Variants in ARHGEF7 observed in about 807,000 individuals in gnomAD.
ARHGEF7 encodes PAK-interacting exchange factor beta.
In ARHGEF7, 33 loss-of-function variants were observed where a neutral mutation model predicts 109.8. That is an observed-to-expected ratio of 0.30 (90% CI 0.23 to 0.40). The LOEUF (loss-of-function observed/expected upper bound fraction) is 0.40. Among genes scored for constraint, ARHGEF7 ranks in the 10% least tolerant of loss-of-function variants. The probability of loss-of-function intolerance (pLI) is 1.00; values close to 1 mark genes in which losing one functional copy is unlikely to be tolerated. For missense variants in ARHGEF7, 938 were observed against 1,098.5 expected (o/e 0.85, Z 2.07); for synonymous variants, 458 against 424.6 (o/e 1.08, Z -0.97).
chr13:111,295,126 A>G (rs2093398375), intron 19 of ARHGEF7: 1 of 983,932 alleles, frequency 1.0e-6, no homozygotes. Context: ...GCATATGGCA[A>G]TGAAGTGTTT....
At chr13:111,201,255 T>C (rs1437411003) in intron 2 of ARHGEF7, among the ~76,000 whole-genome samples, 3 of 152,228 alleles carry the variant, frequency 2.0e-5, no homozygotes, top group African/African-American at 4.8e-5. Flanking sequence ...GTTTAGCACC[T>C]TCTAGCCATT....
chr13:111,284,586 G>A (rs544575991), intron 16 of ARHGEF7, among the ~76,000 whole-genome samples: 1 of 152,358 alleles, frequency 6.6e-6, no homozygotes, highest in Non-Finnish European at 1.5e-5. Context: ...GGGCAAAGAA[G>A]TAGAAAGGGC....
chr13:111,250,226 A>G (rs576271840), intron 8 of ARHGEF7, among the ~76,000 whole-genome samples: 13 of 152,330 alleles, frequency 8.5e-5, no homozygotes, highest in Admixed American at 7.2e-4. Flanking sequence ...CATTTGCTGC[A>G]TTAGTAGCGG....
chr13:111,197,399 C>G (rs939211325), intron 2 of ARHGEF7, among the ~76,000 whole-genome samples: 2 of 152,130 alleles, frequency 1.3e-5, no homozygotes, highest in Admixed American at 6.5e-5. Flanking sequence ...AAACCTGCAC[C>G]TTGCCTGTCC....
intron 2 of ARHGEF7, among the ~76,000 whole-genome samples, chr13:111,176,970 T>C (rs1000301463): frequency 1.1e-4 from 17 of 152,254 alleles, no homozygotes; most frequent in African/African-American, 3.9e-4. Context: ...TTGGCCAGGC[T>C]GTTCTTGAAC....
chr13:111,244,941 C>T (rs952486215), intron 8 of ARHGEF7, among the ~76,000 whole-genome samples: 2 of 152,138 alleles, frequency 1.3e-5, no homozygotes, highest in East Asian at 3.9e-4. Context: ...GTTGTGGAAG[C>T]GTTTTCCCTG....
At chr13:111,124,917 G>A (rs986225954) in intron 1 of ARHGEF7, among the ~76,000 whole-genome samples, 7 of 152,242 alleles carry the variant, frequency 4.6e-5, no homozygotes, top group South Asian at 2.1e-4. Flanking sequence ...GCGCCACCAT[G>A]CCCGGCTAAT....
In ARHGEF7 at chr13:111,205,307, T is replaced by C. The variant is rs761750681; in HGVS notation, c.271T>C (p.Leu91=). Residue 91 remains leucine (L), a synonymous_variant, in exon 3 of 22, where the codon TTG becomes CTG. Transcript: ENST00000646102. ...CTTTCAGACGTTTGATGCAAATGATTTGTATCAGGGGCAGAATTTTAACAA... is the reference window on the plus strand; with the variant it reads ...CTTTCAGACGTTTGATGCAAATGATCTGTATCAGGGGCAGAATTTTAACAA... ...LRLETFDAND[L]YQGQNFNKVL... is the part of the protein sequence containing the mutation. 5 of 1,603,832 alleles carry C rather than the reference T, an allele frequency of 3.1e-6. No individual in the cohort carries two copies. In the Admixed American group the frequency reaches 8.8e-5, roughly 28 times the overall value.
chr13:111,115,557 C>T lies in ARHGEF7; in HGVS notation c.31C>T (p.Leu11Phe). Residue 11 changes from leucine to phenylalanine, a missense_variant, in exon 1 of 22, where the codon CTC becomes TTC. Leu to Phe is a conservative substitution (Grantham distance 22, BLOSUM62 0). Coordinates refer to ENST00000646102, the MANE Select transcript of ARHGEF7 (RefSeq NM_001354046.2). ...TTCCGCCGAGCAAACCGTTACGTGG[C>T]TCATCACTCTGGGGGTGCTGGAGTC... MNSAEQTVTW[L>F]ITLGVLESPK... 2 of 1,420,086 alleles carry T rather than the reference C, an allele frequency of 1.4e-6. No homozygotes were observed. Among genetic ancestry groups the T allele is most frequent in the Non-Finnish European group, 1.9e-6 (2 of 1,069,326 alleles). 88.0% of individuals were successfully genotyped at this position (1,420,086 alleles called of 1,614,324 possible). A position where few individuals can be genotyped will look rare whatever the true frequency, so the allele number is the denominator to read the frequency against.
At chr13:111,297,452 A>G (rs961537767) in intron 19 of ARHGEF7, among the ~76,000 whole-genome samples, 9 of 152,266 alleles carry the variant, frequency 5.9e-5, no homozygotes, top group African/African-American at 1.9e-4. Flanking sequence ...TGTGCCGGGC[A>G]CATACAGTAA....
chr13:111,121,736 G>A (rs1479300432), intron 1 of ARHGEF7, among the ~76,000 whole-genome samples: 1 of 152,202 alleles, frequency 6.6e-6, no homozygotes. Context: ...TGGGAGACCC[G>A]GTCCTCTGCG....
At chr13:111,275,063 T>G (rs527272005) in intron 11 of ARHGEF7, among the ~76,000 whole-genome samples, 2 of 152,276 alleles carry the variant, frequency 1.3e-5, no homozygotes, top group Non-Finnish European at 2.9e-5. Flanking sequence ...TTGTCTTTAA[T>G]GATTTATTGC....
chr13:111,303,338 A>G lies in ARHGEF7; in HGVS notation c.*225A>G, dbSNP rs554595674. 129 of 385,364 alleles carry G rather than the reference A, an allele frequency of 3.3e-4. No homozygotes were observed. Among genetic ancestry groups the G allele is most frequent in the Admixed American group, 8.1e-4 (20 of 24,714 alleles). 23.9% of individuals were successfully genotyped at this position (385,364 alleles called of 1,614,324 possible). ...GACTCTGAGGACCTGAGCTACATCA[A>G]TCCACTCTGTGAACATCTCAGTTAC... On this transcript the variant is annotated 3_prime_UTR_variant, in exon 22 of 22. Transcript: ENST00000646102.
chr13:111,301,594 T>G, intron 21 of ARHGEF7, 62 bp downstream of exon 21: 4 of 1,414,630 alleles, frequency 2.8e-6, no homozygotes, highest in Non-Finnish European at 3.0e-6. Flanking sequence ...AGAAGAAAAT[T>G]ACATTAAAAA....
intron 2 of ARHGEF7, among the ~76,000 whole-genome samples, chr13:111,181,359 T>A (rs2078713888): frequency 6.6e-6 from 1 of 152,202 alleles, no homozygotes. Context: ...TTGTCTTGTT[T>A]ATGGCAGTTG....
chr13:111,150,464 T>C (rs527412603), intron 1 of ARHGEF7, among the ~76,000 whole-genome samples: 15 of 152,240 alleles, frequency 9.9e-5, no homozygotes, highest in African/African-American at 3.4e-4. Flanking sequence ...CTTCATGTCA[T>C]TGAAACCTTC....
chr13:111,153,398 C>G (rs551297867), intron 1 of ARHGEF7, among the ~76,000 whole-genome samples: 1 of 152,162 alleles, frequency 6.6e-6, no homozygotes, highest in South Asian at 2.1e-4. Flanking sequence ...AGGCCGAGCG[C>G]GGAGCCGGGC....
chr13:111,245,319 A>G (rs762271836), intron 8 of ARHGEF7, among the ~76,000 whole-genome samples: 5 of 152,062 alleles, frequency 3.3e-5, no homozygotes, highest in Non-Finnish European at 7.4e-5. Flanking sequence ...CGGTCCAACC[A>G]CTGAGCTGGT....
At chr13:111,200,670 G>A (rs1037215274) in intron 2 of ARHGEF7, among the ~76,000 whole-genome samples, 11 of 152,192 alleles carry the variant, frequency 7.2e-5, no homozygotes, top group African/African-American at 2.7e-4. Flanking sequence ...AGCCAAAACT[G>A]TAATGTCTGT....
Sources: gnomAD v4.1 joint callset for allele counts (sites outside exome capture counted in the v4.1 genomes callset) on GRCh38, gnomAD v4.1.1 for gene constraint, MANE v1.5 for transcripts, NCBI Gene and HGNC (gene_info 2026-07-23, HGNC 2026-07-21) for gene names.